The following LPCAT2 variants were observed in gnomAD, a reference collection of about 807,000 sequenced individuals.
LPCAT2 encodes lysophosphatidylcholine acyltransferase 2.
Under a neutral mutation model 64.7 loss-of-function variants are expected in LPCAT2, and 58 were observed. The observed-to-expected ratio is 0.90, with a 90% confidence interval of 0.73 to 1.12. The LOEUF (loss-of-function observed/expected upper bound fraction) is 1.12. Among genes scored for constraint, LPCAT2 ranks in the 50% most tolerant of loss-of-function variants. LPCAT2 has a pLI of 0.00. For synonymous variants in LPCAT2, 252 were observed against 245.3 expected (o/e 1.03, Z -0.26); for missense variants, 579 against 669.8 (o/e 0.86, Z 1.50).
intron 11 of LPCAT2, among the ~76,000 whole-genome samples, chr16:55,566,142 A>G (rs1245520839): frequency 6.6e-6 from 1 of 152,210 alleles, no homozygotes; most frequent in African/African-American, 2.4e-5. Context: ...GATTTTAGCA[A>G]TGTCGATCAC....
rs1963921408 is a variant in LPCAT2 at position 55,584,332 on chromosome 16, G to A, written c.*1234G>A. ...AAATATCTCCCAGAAAACACAAAAG[G>A]TTTCAAGGTATCACCCAAAGCTAGG... On this transcript the variant is annotated 3_prime_UTR_variant, in exon 14 of 14. Coordinates refer to ENST00000262134, the MANE Select transcript of LPCAT2 (RefSeq NM_017839.5). 1 of 152,074 alleles carries A rather than the reference G, an allele frequency of 6.6e-6. No homozygotes were observed. 9.4% of individuals were successfully genotyped at this position (152,074 alleles called of 1,614,324 possible).
At chr16:55,557,476 C>G (rs1963590191) in intron 11 of LPCAT2, among the ~76,000 whole-genome samples, 1 of 152,290 alleles carries the variant, frequency 6.6e-6, no homozygotes, top group East Asian at 1.9e-4. Context: ...ATGGGAAAGG[C>G]AAGAAATTTC....
Position 55,549,280 on chromosome 16 carries a change from T to G in LPCAT2, c.939T>G (p.Ala313=), listed in dbSNP as rs1268531023. 1 of 1,562,102 alleles carries G rather than the reference T, an allele frequency of 6.4e-7. No homozygotes were observed. Among genetic ancestry groups the G allele is most frequent in the Admixed American group, 2.1e-5 (1 of 47,598 alleles). ...GTTTGCTTCTTAATACTTTTAGAGC[T>G]CTGGGAATACCAGTAACAGATCATA... ...ANKVRNLMAE[A]LGIPVTDHTY... The change falls in exon 10 of 14, where the codon GCT becomes GCG. Residue 313 remains alanine (A), a synonymous_variant. Coordinates refer to ENST00000262134, the MANE Select transcript of LPCAT2 (RefSeq NM_017839.5).
chr16:55,532,777 C>G (rs1963270925), intron 5 of LPCAT2, 47 bp from the exon 6 acceptor site: 1 of 1,320,324 alleles, frequency 7.6e-7, no homozygotes, highest in African/African-American at 1.4e-5. Flanking sequence ...TATCATAAAA[C>G]TTTTATTCAC....
chr16:55,530,988 C>T (rs115706057), intron 4 of LPCAT2, among the ~76,000 whole-genome samples: 2,248 of 152,084 alleles, frequency 0.015, 52 homozygotes, highest in African/African-American at 0.047. Context: ...TGAGATTTTA[C>T]GATTCACTGT....
At chr16:55,552,063 A>G (rs1963523963) in intron 11 of LPCAT2, among the ~76,000 whole-genome samples, 1 of 152,214 alleles carries the variant, frequency 6.6e-6, no homozygotes, top group African/African-American at 2.4e-5. Flanking sequence ...TTGAAAAAAT[A>G]TATATATTTT....
At chr16:55,577,086 G>T (rs1351504478) in intron 12 of LPCAT2, among the ~76,000 whole-genome samples, 1 of 152,134 alleles carries the variant, frequency 6.6e-6, no homozygotes, top group African/African-American at 2.4e-5. Context: ...AGTCCAAGGC[G>T]CATGAAGAGC....
chr16:55,563,851 C>G (rs182199972), intron 11 of LPCAT2, among the ~76,000 whole-genome samples: 1 of 151,820 alleles, frequency 6.6e-6, no homozygotes, highest in Non-Finnish European at 1.5e-5. Flanking sequence ...ATCGCGAGAA[C>G]AGTTAGGCAA....
intron 8 of LPCAT2, among the ~76,000 whole-genome samples, chr16:55,543,179 G>A (rs1195656111): frequency 6.6e-6 from 1 of 152,084 alleles, no homozygotes; most frequent in African/African-American, 2.4e-5. Flanking sequence ...GAGGAATGGG[G>A]CCTCCAAGGC....
intron 7 of LPCAT2, among the ~76,000 whole-genome samples, chr16:55,536,459 G>A (rs1184574369): frequency 6.6e-6 from 1 of 152,138 alleles, no homozygotes; most frequent in East Asian, 1.9e-4. Context: ...AGATAGTGTG[G>A]ATTGACTTTA....
At chr16:55,543,850 A>T (rs1018231147) in intron 8 of LPCAT2, among the ~76,000 whole-genome samples, 2 of 152,238 alleles carry the variant, frequency 1.3e-5, no homozygotes, top group Non-Finnish European at 2.9e-5. Flanking sequence ...TCAAGCAGCA[A>T]CCCAGTCCAA....
At chr16:55,551,150 G>T in intron 11 of LPCAT2, 48 bp downstream of exon 11, 1 of 1,516,050 alleles carries the variant, frequency 6.6e-7, no homozygotes. Flanking sequence ...CAGTCCTACA[G>T]TGAGTAAATC....
intron 9 of LPCAT2, among the ~76,000 whole-genome samples, chr16:55,548,402 G>C (rs1179428830): frequency 1.3e-5 from 2 of 152,118 alleles, no homozygotes; most frequent in Non-Finnish European, 2.9e-5. Flanking sequence ...CAGTATTTTT[G>C]GAAGATTGCT....
chr16:55,555,674 T>C (rs1174562013), intron 11 of LPCAT2, among the ~76,000 whole-genome samples: 1 of 152,202 alleles, frequency 6.6e-6, no homozygotes, highest in Non-Finnish European at 1.5e-5. Flanking sequence ...TTCTTTTAGG[T>C]GTAGTGCCTG....
At chr16:55,553,365 A>G (rs1384324640) in intron 11 of LPCAT2, among the ~76,000 whole-genome samples, 1 of 152,226 alleles carries the variant, frequency 6.6e-6, no homozygotes. Flanking sequence ...AGTTCATGTA[A>G]CAGTCTAAAT....
At chr16:55,527,753 A>G (rs1898414) in intron 2 of LPCAT2, among the ~76,000 whole-genome samples, 79,457 of 151,954 alleles carry the variant, frequency 0.52, 20,988 homozygotes, top group Admixed American at 0.55. Flanking sequence ...TTGCTTAAGT[A>G]CATCTCTGTT....
At chr16:55,556,562 G>A (rs997688398) in intron 11 of LPCAT2, among the ~76,000 whole-genome samples, 1 of 152,156 alleles carries the variant, frequency 6.6e-6, no homozygotes. Flanking sequence ...CAGATCACGA[G>A]GTCAGGAGAT....
intron 12 of LPCAT2, among the ~76,000 whole-genome samples, chr16:55,575,077 T>C (rs1963812720): frequency 6.6e-6 from 1 of 152,206 alleles, no homozygotes; most frequent in Non-Finnish European, 1.5e-5. Context: ...CCTAATTCAG[T>C]CTCTGGAAAG....
At chr16:55,555,892 G>A (rs1045795306) in intron 11 of LPCAT2, among the ~76,000 whole-genome samples, 8 of 152,282 alleles carry the variant, frequency 5.3e-5, no homozygotes, top group African/African-American at 1.9e-4. Context: ...TCAGCTCACT[G>A]CAACCTGTGC....
Sources: allele counts gnomAD v4.1 joint callset (sites outside exome capture counted in the v4.1 genomes callset), GRCh38; gene constraint gnomAD v4.1.1; transcripts MANE v1.5; gene names NCBI Gene and HGNC (gene_info 2026-07-23, HGNC 2026-07-21).